Variants in CCDC169 observed in about 807,000 individuals in gnomAD.
The protein encoded by CCDC169 is coiled-coil domain containing 169, also known as coiled-coil domain-containing protein 169.
In CCDC169, 30 loss-of-function variants were observed where a neutral mutation model predicts 36.0. The ratio of observed to expected loss-of-function variants is 0.83; its 90% CI spans 0.62 to 1.13. CCDC169 has a LOEUF of 1.13. Ranked by LOEUF, CCDC169 falls within the 50% of genes most tolerant of loss-of-function variation. The probability of loss-of-function intolerance (pLI) is 0.00; values close to 1 mark genes in which losing one functional copy is unlikely to be tolerated. For missense variants in CCDC169, 245 were observed against 245.9 expected, an observed-to-expected ratio of 1.00 and a Z score of 0.03; for synonymous variants, 85 against 81.5, an observed-to-expected ratio of 1.04 and a Z score of -0.23.
rs989017956 is a variant in CCDC169, at chr13:36,259,024, G to A, written c.316-4881C>T. 1.8e-4 allele frequency among the ~76,000 whole-genome samples: 27 copies of A among 152,264 alleles called. No individual in the cohort carries two copies. The East Asian group carries it at 5.2e-3, about 29-fold the overall frequency. On this transcript the variant is annotated intron_variant, in intron 4 of 7. Coordinates refer to ENST00000239859, the MANE Select transcript of CCDC169 (RefSeq NM_001144981.3). ...TGCCTGCAGAGGAATCCTGCTCCCT[G>A]CAGGCACATCTAGAATGTGTTCCTG...
intron 5 of CCDC169, 76 bp from the exon 6 acceptor site, chr13:36,253,932 A>G: frequency 6.5e-7 from 1 of 1,538,862 alleles, no homozygotes; most frequent in Non-Finnish European, 8.8e-7. Context: ...GTTAAGGTGT[A>G]TGTCTCTATA....
intron 7 of CCDC169, among the ~76,000 whole-genome samples, chr13:36,235,413 G>T (rs1432631960): frequency 6.6e-6 from 1 of 151,778 alleles, no homozygotes; most frequent in Non-Finnish European, 1.5e-5. Context: ...TAAAAGATTT[G>T]ATTTTTTATT....
intron 4 of CCDC169, among the ~76,000 whole-genome samples, chr13:36,278,515 G>C (rs2138591057): frequency 6.6e-6 from 1 of 152,106 alleles, no homozygotes; most frequent in East Asian, 1.9e-4. Context: ...CCTGAACTCT[G>C]GACAACGTGT....
At chr13:36,273,746 G>A (rs182478226) in intron 4 of CCDC169, among the ~76,000 whole-genome samples, 17 of 152,258 alleles carry the variant, frequency 1.1e-4, no homozygotes, top group Admixed American at 9.8e-4. Context: ...TTTTTGTAAT[G>A]TACTAATTTC....
chr13:36,231,231 T>C lies in CCDC169; in HGVS notation c.607A>G (p.Ile203Val), dbSNP rs1429090000. ...VSAKRGPVKK[I>V]TRPNHLPELH... ...TCTGGAAGATGGTTTGGTCTTGTAA[T>C]CTTTTTTACTGGTCCTCTCTTGGCA... Residue 203 changes from isoleucine to valine, a missense_variant, in exon 8 of 8, where the codon ATT becomes GTT. Transcript: ENST00000239859. 6.4e-7 allele frequency: 1 copy of C among 1,551,478 alleles called. No homozygotes were observed. The highest frequency in any genetic ancestry group is 1.4e-5 in the African/African-American group (1 of 73,160).
Position 36,230,807 on chromosome 13 carries a change from G to A in CCDC169, c.*386C>T, listed in dbSNP as rs1870336505. 2.0e-6 allele frequency: 2 copies of A among 988,674 alleles called. No homozygotes were observed. Among genetic ancestry groups the A allele is most frequent in the Non-Finnish European group, 2.4e-6 (2 of 832,310 alleles). 61.2% of individuals were successfully genotyped at this position (988,674 alleles called of 1,614,324 possible). ...GTTTAAACCTGCAATTTAAAAAACT[G>A]AGCAAGATCCAGCCCAAAATGGCAA... is the stretch of plus-strand genomic sequence containing the variant. On this transcript the variant is annotated 3_prime_UTR_variant, in exon 8 of 8. Transcript: ENST00000239859.
chr13:36,259,206 G>A (rs1357202987), intron 4 of CCDC169, among the ~76,000 whole-genome samples: 1 of 152,106 alleles, frequency 6.6e-6, no homozygotes, highest in African/African-American at 2.4e-5. Context: ...AGAAGGCAGC[G>A]TCCTGACCCC....
At chr13:36,242,896 G>A (rs1026369401) in intron 7 of CCDC169, among the ~76,000 whole-genome samples, 1 of 152,186 alleles carries the variant, frequency 6.6e-6, no homozygotes, top group East Asian at 1.9e-4. Flanking sequence ...GCTACATAAG[G>A]GGGTGGGGAG....
chr13:36,293,817 C>T (rs1879180490), intron 2 of CCDC169, among the ~76,000 whole-genome samples: 1 of 152,120 alleles, frequency 6.6e-6, no homozygotes, highest in Non-Finnish European at 1.5e-5. Context: ...CCAGGTGAAC[C>T]AACCCAGTTA....
intron 2 of CCDC169, among the ~76,000 whole-genome samples, chr13:36,288,951 G>A (rs1194699266): frequency 6.6e-6 from 1 of 152,012 alleles, no homozygotes; most frequent in Non-Finnish European, 1.5e-5. Flanking sequence ...GGACAAGTCA[G>A]AAAGTCCAAG....
intron 4 of CCDC169, chr13:36,281,236 C>G (rs930305694): frequency 2.2e-6 from 1 of 450,982 alleles, no homozygotes. Context: ...ACTGCACCAC[C>G]CCTGGACTGC....
intron 4 of CCDC169, among the ~76,000 whole-genome samples, chr13:36,263,691 A>G (rs1003568181): frequency 2.6e-5 from 4 of 152,214 alleles, no homozygotes; most frequent in African/African-American, 9.6e-5. Flanking sequence ...GATATTTCTC[A>G]GGTAGGTATT....
intron 4 of CCDC169, among the ~76,000 whole-genome samples, chr13:36,262,540 A>G (rs1874730612): frequency 6.6e-6 from 1 of 152,238 alleles, no homozygotes; most frequent in African/African-American, 2.4e-5. Context: ...AATTCAAGTC[A>G]TGCTTCAAAT....
intron 7 of CCDC169, among the ~76,000 whole-genome samples, chr13:36,232,446 G>T (rs1048134037): frequency 1.3e-5 from 2 of 152,134 alleles, no homozygotes; most frequent in African/African-American, 4.8e-5. Context: ...AGCTGCCAGA[G>T]GTAGTAGATA....
intron 2 of CCDC169, among the ~76,000 whole-genome samples, chr13:36,295,086 T>C (rs942156771): frequency 2.6e-5 from 4 of 152,212 alleles, no homozygotes; most frequent in African/African-American, 9.7e-5. Context: ...TTCTTTAGCA[T>C]TCAGTTCAAA....
intron 2 of CCDC169, among the ~76,000 whole-genome samples, chr13:36,288,456 A>C (rs1878506364): frequency 6.6e-6 from 1 of 152,232 alleles, no homozygotes; most frequent in Non-Finnish European, 1.5e-5. Flanking sequence ...GTAAGTTAAA[A>C]TCTTAAAATT....
At chr13:36,247,560 G>A (rs568350283) in intron 7 of CCDC169, among the ~76,000 whole-genome samples, 1 of 152,290 alleles carries the variant, frequency 6.6e-6, no homozygotes, top group East Asian at 1.9e-4. Context: ...ACTATGAGGG[G>A]TGCAAGACTT....
chr13:36,242,149 G>A (rs929544713), intron 7 of CCDC169, among the ~76,000 whole-genome samples: 1 of 152,142 alleles, frequency 6.6e-6, no homozygotes, highest in African/African-American at 2.4e-5. Context: ...CCAGTCTCAG[G>A]TAGTTCTTTA....
At chr13:36,247,956 AT>A (rs1479266354) in intron 7 of CCDC169, among the ~76,000 whole-genome samples, 1 of 152,120 alleles carries the variant, frequency 6.6e-6, no homozygotes, top group Non-Finnish European at 1.5e-5. Context: ...TTGTTGCCCT[AT>A]TTTCAAAATT....
Sources: allele counts gnomAD v4.1 joint callset (sites outside exome capture counted in the v4.1 genomes callset), GRCh38; gene constraint gnomAD v4.1.1; transcripts MANE v1.5; gene names NCBI Gene and HGNC (gene_info 2026-07-23, HGNC 2026-07-21).